Variants in BCAR1 observed in about 807,000 individuals in gnomAD.
BCAR1 encodes breast cancer anti-estrogen resistance protein 1.
Under a neutral mutation model 67.6 loss-of-function variants are expected in BCAR1, and 30 were observed. The observed-to-expected ratio is 0.44, with a 90% CI of 0.33 to 0.60. The LOEUF (loss-of-function observed/expected upper bound fraction) is 0.60, where lower values mean the gene tolerates loss of function less well. Among genes scored for constraint, BCAR1 ranks in the 20% least tolerant of loss-of-function variants. The pLI, the probability that BCAR1 is intolerant of heterozygous loss-of-function variation, is 0.02. For synonymous variants in BCAR1, 626 were observed against 556.7 expected, an observed-to-expected ratio of 1.12 and a Z score of -1.75; for missense variants, 1,313 against 1,222.3, an observed-to-expected ratio of 1.07 and a Z score of -1.11.
Position 75,229,953 on chromosome 16 carries a change from G to A in BCAR1, c.2171C>T (p.Pro724Leu). 1 of 1,598,186 alleles carries A rather than the reference G, an allele frequency of 6.3e-7. No homozygotes were observed. Residue 724 changes from proline to leucine, a missense_variant, in exon 7 of 7, where the codon CCA becomes CTA. Pro to Leu is a moderately conservative substitution (Grantham distance 98, BLOSUM62 -3). This residue lies in a region of BCAR1 where 1,272 missense variants were observed against 1,137.5 expected (regional missense o/e 1.12). Coordinates refer to ENST00000162330, the MANE Select transcript of BCAR1 (RefSeq NM_014567.5). ...PIDHDLANWT[P>L]AQPLAPGRTG... is the part of the protein sequence containing the mutation. Reference sequence around the variant, plus strand: ...TCGCCCCGGGGCCAGGGGTTGGGCTGGCGTCCAGTTGGCCAGGTCGTGGTC... The same window carrying A: ...TCGCCCCGGGGCCAGGGGTTGGGCTAGCGTCCAGTTGGCCAGGTCGTGGTC...
At chr16:75,242,255 G>A (rs1048051249) in intron 2 of BCAR1, among the ~76,000 whole-genome samples, 8 of 152,244 alleles carry the variant, frequency 5.3e-5, no homozygotes, top group South Asian at 2.1e-4. Context: ...CTTGGCTGAG[G>A]CCAGCGGAGC....
At chr16:75,264,092 C>G in intron 1 of BCAR1, 1 of 1,250,128 alleles carries the variant, frequency 8.0e-7, no homozygotes, top group Non-Finnish European at 1.0e-6. Context: ...GGCTGCAGGT[C>G]CCCACGACAG....
chr16:75,252,167 G>C, upstream of BCAR1: 1 of 1,532,422 alleles, frequency 6.5e-7, no homozygotes, highest in Non-Finnish European at 8.7e-7. Context: ...AAGGACCCCA[G>C]GAAATGAAGC....
intron 6 of BCAR1, among the ~76,000 whole-genome samples, chr16:75,232,185 G>T (rs1380517068): frequency 1.4e-5 from 2 of 144,362 alleles, no homozygotes; most frequent in African/African-American, 2.6e-5. Flanking sequence ...TTTTGAGACG[G>T]AATCTCACCC....
At position 75,264,010 on chromosome 16, in the gene BCAR1, G is replaced by A. The variant is rs936349580; in HGVS notation, c.66+3905C>T. 4.0e-5 allele frequency: 48 copies of A among 1,207,164 alleles called. No individual in the cohort carries two copies. In the African/African-American group the frequency reaches 6.5e-4, roughly 16 times the overall value. 74.8% of individuals were successfully genotyped at this position (1,207,164 alleles called of 1,614,324 possible). A position where few individuals can be genotyped will look rare whatever the true frequency, so the allele number is the denominator to read the frequency against. ...TGGCAAAGACCTCTGCCCACCCCCA[G>A]CAGAATTCTCCTGGGCTGTGACTAC... On this transcript the variant is annotated intron_variant, in intron 1 of 6. Transcript: ENST00000393422.
At chr16:75,266,007 TGCGCCGCCC>T (rs943848799) in intron 1 of BCAR1, 75 of 1,030,400 alleles carry the variant, frequency 7.3e-5, no homozygotes, top group Admixed American at 2.8e-4. Context: ...GCGCCGCGCA[TGCGCCGCCC>T]GCGCCGCCCC....
intron 2 of BCAR1, 145 bp from the exon 3 acceptor site, chr16:75,237,489 A>AC: frequency 1.8e-5 from 18 of 995,230 alleles, no homozygotes; most frequent in Non-Finnish European, 2.5e-5. Context: ...GCCAGTTCTC[A>AC]CCCCCTCTGC....
chr16:75,245,259 C>G (rs2077478783), intron 1 of BCAR1, among the ~76,000 whole-genome samples: 1 of 152,256 alleles, frequency 6.6e-6, no homozygotes, highest in Non-Finnish European at 1.5e-5. Flanking sequence ...CTACACACCA[C>G]AGAGCTGCCC....
In BCAR1 at chr16:75,235,214, A is replaced by G; in HGVS notation, c.1685T>C (p.Leu562Pro). The change falls in exon 5 of 7, where the codon CTC (leucine) becomes CCC (proline). Residue 562 changes from leucine (L) to proline (P), a missense_variant. Transcript: ENST00000162330. ...TCCAGAGCCTCCCCGGCCAGCGTCG[A>G]GGGCCTGACCATGTGCCACCAGCGT... ...HQTLVAHGQA[L>P]DAGRGGSGAT... The G allele has an allele frequency of 6.2e-7, 1 of 1,608,350 alleles. No homozygotes were observed. Among genetic ancestry groups the G allele is most frequent in the Non-Finnish European group, 8.5e-7 (1 of 1,177,844 alleles).
intron 6 of BCAR1, 99 bp downstream of exon 6, chr16:75,233,747 T>G: frequency 3.2e-6 from 4 of 1,267,694 alleles, no homozygotes; most frequent in Non-Finnish European, 4.4e-6. Flanking sequence ...TCAGACAACA[T>G]GAGAAGCTGG....
rs191533569 is a variant in BCAR1, at chr16:75,261,393, G to C, written c.66+6522C>G. On this transcript the variant is annotated intron_variant, in intron 1 of 6. Transcript: ENST00000393422. ...ACCCAGGCCCCCCACTCACCCTCCT[G>C]GCTGTAGGCCCCTCCCTTAAGGAGC... Among the ~76,000 whole-genome samples, 62 of 152,364 alleles carry C rather than the reference G, an allele frequency of 4.1e-4. 1 individual carries two copies. The East Asian group carries it at 0.011, about 27-fold the overall frequency.
chr16:75,240,729 G>A (rs2077311276), intron 2 of BCAR1, among the ~76,000 whole-genome samples: 1 of 152,218 alleles, frequency 6.6e-6, no homozygotes, highest in African/African-American at 2.4e-5. Flanking sequence ...CTGGGGGAGA[G>A]CAGCCAGGCC....
At chr16:75,236,793 C>A (rs1394223993) in intron 4 of BCAR1, 89 bp downstream of exon 4, 3 of 1,502,090 alleles carry the variant, frequency 2.0e-6, no homozygotes, top group Admixed American at 2.0e-5. Context: ...CACCCCCAGC[C>A]CTGCAGACAC....
chr16:75,231,680 C>T (rs946133101), intron 6 of BCAR1, among the ~76,000 whole-genome samples: 1 of 152,172 alleles, frequency 6.6e-6, no homozygotes, highest in Non-Finnish European at 1.5e-5. Flanking sequence ...CAGATACGTG[C>T]AAAGACTAGT....
At chr16:75,246,807 C>T (rs2077536005) in intron 1 of BCAR1, 1 of 152,380 alleles carries the variant, frequency 6.6e-6, no homozygotes, top group African/African-American at 2.4e-5. Flanking sequence ...CCAGCCTCCC[C>T]AAGCCTACTT....
At chr16:75,250,391 C>A (rs1408679409) in intron 1 of BCAR1, among the ~76,000 whole-genome samples, 4 of 152,210 alleles carry the variant, frequency 2.6e-5, no homozygotes, top group Admixed American at 6.5e-5. Flanking sequence ...AAGGAATGGG[C>A]ACAAGAGGGG....
chr16:75,256,714 G>A (rs12443712), intron 1 of BCAR1, among the ~76,000 whole-genome samples: 35,419 of 152,126 alleles, frequency 0.23, 5,217 homozygotes, highest in Admixed American at 0.34. Flanking sequence ...ACAGCCGCCC[G>A]AGGCCGGTGT....
upstream of BCAR1, among the ~76,000 whole-genome samples, chr16:75,255,647 C>T (rs1165043921): frequency 6.0e-5 from 9 of 150,426 alleles, no homozygotes; most frequent in Non-Finnish European, 8.8e-5. Context: ...GCTGAGATCA[C>T]GCCACTGTAC....
In BCAR1 at chr16:75,229,882, G is replaced by T; in HGVS notation, c.2242C>A (p.Leu748Met). 6.2e-7 allele frequency: 1 copy of T among 1,612,128 alleles called. No individual in the cohort carries two copies. Among genetic ancestry groups the T allele is most frequent in the Non-Finnish European group, 8.5e-7 (1 of 1,179,074 alleles). The change falls in exon 7 of 7, where the codon CTG becomes ATG. Residue 748 changes from leucine to methionine, a missense_variant. Transcript: ENST00000162330. ...GTCAGGTTGGCCTCACACTGCTCCAGGTAGAAGAGCAGCAGCTGCCGGTCC... is the reference window on the plus strand; with the variant it reads ...GTCAGGTTGGCCTCACACTGCTCCATGTAGAAGAGCAGCAGCTGCCGGTCC... The part of the protein sequence containing the change: ...PSDRQLLLFY[L>M]EQCEANLTTL...
Sources: allele counts gnomAD v4.1 joint callset (sites outside exome capture counted in the v4.1 genomes callset), GRCh38; gene constraint gnomAD v4.1.1; regional missense constraint gnomAD v4.1.1; transcripts MANE v1.5; gene names NCBI Gene and HGNC (gene_info 2026-07-23, HGNC 2026-07-21).